PPHLN1: variants seen among roughly 807,000 people sequenced by gnomAD.
The protein encoded by PPHLN1 is periphilin-1.
In PPHLN1, 29 loss-of-function variants were observed where a neutral mutation model predicts 51.3. The observed-to-expected ratio is 0.57, with a 90% CI of 0.42 to 0.77. The LOEUF (loss-of-function observed/expected upper bound fraction) is 0.77. Among genes scored for constraint, PPHLN1 ranks in the 30% least tolerant of loss-of-function variants. PPHLN1 has a pLI of 0.00. For synonymous variants in PPHLN1, 147 were observed against 147.8 expected (o/e 0.99, Z 0.04); for missense variants, 436 against 438.4 (o/e 0.99, Z 0.05).
intron 9 of PPHLN1, among the ~76,000 whole-genome samples, chr12:42,436,494 GCCT>G (rs2082497241): frequency 6.6e-6 from 1 of 152,158 alleles, no homozygotes; most frequent in Non-Finnish European, 1.5e-5. Context: ...TCTCATGAGT[GCCT>G]CAAGTGACTA....
chr12:42,445,006 A>G (rs1391981361), downstream of PPHLN1: 2 of 700,576 alleles, frequency 2.9e-6, no homozygotes, highest in Admixed American at 2.0e-5. Context: ...CAGCCCATCA[A>G]TATTGTTAGT....
intron 9 of PPHLN1, among the ~76,000 whole-genome samples, chr12:42,440,637 C>T (rs1049338184): frequency 1.3e-5 from 2 of 152,246 alleles, no homozygotes; most frequent in Non-Finnish European, 2.9e-5. Context: ...GCTGCGTTTA[C>T]TTTGGAGGCT....
intron 9 of PPHLN1, among the ~76,000 whole-genome samples, chr12:42,437,008 G>T (rs1349414634): frequency 1.3e-5 from 2 of 152,052 alleles, no homozygotes; most frequent in Admixed American, 1.3e-4. Context: ...TTATTGTCCT[G>T]GCTCTCAGGA....
intron 9 of PPHLN1, among the ~76,000 whole-genome samples, chr12:42,423,225 T>C (rs73272101): frequency 0.033 from 5,074 of 152,248 alleles, 285 homozygotes; most frequent in African/African-American, 0.12. Context: ...CTAGAAAATA[T>C]CTACAGACAG....
intron 4 of PPHLN1, among the ~76,000 whole-genome samples, chr12:42,364,213 A>G (rs2075020076): frequency 6.6e-6 from 1 of 152,164 alleles, no homozygotes; most frequent in Admixed American, 6.5e-5. Context: ...AACAAGAGCA[A>G]AACTCTGTCT....
chr12:42,355,270 T>A (rs17091102), intron 4 of PPHLN1, 48 bp downstream of exon 4: 2 of 1,488,706 alleles, frequency 1.3e-6, no homozygotes. Flanking sequence ...CTTGACTCAC[T>A]GTGATGTCTG....
chr12:42,375,050 T>C lies in PPHLN1; in HGVS notation c.487T>C (p.Ser163Pro). ...SYSPERSKSYSFHQSQHRKSV... is the reference protein window; with the variant it reads ...SYSPERSKSYPFHQSQHRKSV... ...CTCTCCAGAAAGGAGCAAATCATAC[T>C]CTTTCCATCAGTCTCAACATAGAAG... is the stretch of plus-strand genomic sequence containing the variant. Residue 163 changes from serine to proline, a missense_variant, in exon 5 of 10, where the codon TCT (serine) becomes CCT (proline). Ser to Pro is a moderately conservative substitution (Grantham distance 74, BLOSUM62 -1). Coordinates refer to ENST00000358314, the MANE Select transcript of PPHLN1 (RefSeq NM_201439.2). The C allele has an allele frequency of 6.2e-7, 1 of 1,611,414 alleles. No homozygotes were observed. Among genetic ancestry groups the C allele is most frequent in the Non-Finnish European group, 8.5e-7 (1 of 1,178,062 alleles).
chr12:42,329,288 G>A (rs2069311571), intron 1 of PPHLN1, among the ~76,000 whole-genome samples: 1 of 151,882 alleles, frequency 6.6e-6, no homozygotes, highest in Admixed American at 6.6e-5. Context: ...TGTATTTTTA[G>A]TAGAGATGGG....
At chr12:42,350,044 C>CCCAGACAGGGCGGCTGCCGGGCGGGGG (rs1565786501) in intron 2 of PPHLN1, among the ~76,000 whole-genome samples, 2 of 150,942 alleles carry the variant, frequency 1.3e-5, no homozygotes, top group Non-Finnish European at 3.0e-5. Flanking sequence ...CCCCCCACCT[C>CCCAGACAGGGCGGCTGCCGGGCGGGGG]CCAGACAGGG....
intron 9 of PPHLN1, among the ~76,000 whole-genome samples, chr12:42,434,246 C>T (rs1020045709): frequency 1.3e-5 from 2 of 152,122 alleles, no homozygotes; most frequent in African/African-American, 4.8e-5. Flanking sequence ...AATACATGGA[C>T]ACAAGCGGGG....
intron 2 of PPHLN1, among the ~76,000 whole-genome samples, chr12:42,348,276 A>ATTTTTTTTTTTTT (rs1213561958): frequency 2.5e-4 from 21 of 85,606 alleles, no homozygotes; most frequent in African/African-American, 9.3e-4. Context: ...CACCTGGCTA[A>ATTTTTTTTTTTTT]TTTTTTTTTT....
chr12:42,329,141 A>G (rs76588811), intron 1 of PPHLN1, among the ~76,000 whole-genome samples: 29,649 of 135,266 alleles, frequency 0.22, 3,367 homozygotes, highest in South Asian at 0.3. Flanking sequence ...TCACTCTGTC[A>G]CCCAGGCTGG....
chr12:42,391,319 A>G (rs985201444), intron 7 of PPHLN1, among the ~76,000 whole-genome samples: 3 of 151,968 alleles, frequency 2.0e-5, no homozygotes, highest in Non-Finnish European at 4.4e-5. Context: ...GCTCACTGCA[A>G]CCTCCACCTC....
intron 9 of PPHLN1, among the ~76,000 whole-genome samples, chr12:42,411,206 TG>T (rs1242716141): frequency 2.0e-5 from 3 of 152,114 alleles, no homozygotes; most frequent in Middle Eastern, 3.4e-3. Context: ...AGTCTTTAAT[TG>T]TATTTAATTT....
intron 1 of PPHLN1, among the ~76,000 whole-genome samples, chr12:42,326,865 A>G (rs946976744): frequency 1.3e-5 from 2 of 152,186 alleles, no homozygotes; most frequent in Non-Finnish European, 2.9e-5. Context: ...CCAGGCCTCT[A>G]ACCACTCCCT....
intron 9 of PPHLN1, among the ~76,000 whole-genome samples, chr12:42,406,705 A>G (rs778615354): frequency 6.6e-6 from 1 of 151,932 alleles, no homozygotes; most frequent in Non-Finnish European, 1.5e-5. Flanking sequence ...TATTTTTCCC[A>G]TTTTGTGGCA....
At chr12:42,446,004 A>T (rs1318667250), downstream of PPHLN1, 1 of 1,537,256 alleles carries the variant, frequency 6.5e-7, no homozygotes, top group African/African-American at 1.4e-5. Context: ...GACGCATCAA[A>T]CCATACCATA....
chr12:42,329,327 G>C (rs543171084), intron 1 of PPHLN1, among the ~76,000 whole-genome samples: 3 of 151,798 alleles, frequency 2.0e-5, no homozygotes, highest in Admixed American at 6.6e-5. Context: ...GTATGGTCTC[G>C]ATCTCCTGAC....
intron 1 of PPHLN1, among the ~76,000 whole-genome samples, chr12:42,329,259 C>T (rs1041255180): frequency 2.0e-5 from 3 of 151,904 alleles, no homozygotes; most frequent in Middle Eastern, 6.8e-3. Flanking sequence ...CCACCACCGC[C>T]CCCGGCTAAT....
Sources: allele counts gnomAD v4.1 joint callset (sites outside exome capture counted in the v4.1 genomes callset), GRCh38; gene constraint gnomAD v4.1.1; transcripts MANE v1.5; gene names NCBI Gene and HGNC (gene_info 2026-07-23, HGNC 2026-07-21).